SEPTIN7: variants seen among roughly 807,000 people sequenced by gnomAD.
SEPTIN7 encodes septin-7.
A neutral mutation model predicts 63.3 loss-of-function variants in SEPTIN7; 10 were observed. The ratio of observed to expected loss-of-function variants is 0.16; its 90% CI spans 0.10 to 0.27. SEPTIN7 has a LOEUF of 0.27. Among genes scored for constraint, SEPTIN7 ranks in the 10% least tolerant of loss-of-function variants. The pLI, the probability that SEPTIN7 is intolerant of heterozygous loss-of-function variation, is 1.00. For synonymous variants in SEPTIN7, 131 were observed against 165.3 expected (o/e 0.79, Z 1.59); for missense variants, 310 against 521.0 (o/e 0.59, Z 3.94).
At chr7:35,857,022 A>G (rs1256030796) in intron 3 of SEPTIN7, among the ~76,000 whole-genome samples, 1 of 152,182 alleles carries the variant, frequency 6.6e-6, no homozygotes, top group East Asian at 1.9e-4. Context: ...TCTGAAACAT[A>G]TAATCAGATT....
chr7:35,847,072 T>C (rs1159642627), intron 3 of SEPTIN7: 4 of 183,226 alleles, frequency 2.2e-5, no homozygotes, highest in Non-Finnish European at 4.8e-5. Flanking sequence ...GTCACTACAT[T>C]AGAGCAGTGT....
chr7:35,880,580 G>A (rs558414990), intron 7 of SEPTIN7, among the ~76,000 whole-genome samples: 8 of 151,772 alleles, frequency 5.3e-5, no homozygotes, highest in South Asian at 2.1e-4. Flanking sequence ...GGTATTACCC[G>A]TATTTATTGA....
chr7:35,883,851 C>A, intron 8 of SEPTIN7, 40 bp from the exon 9 acceptor site: 1 of 1,208,520 alleles, frequency 8.3e-7, no homozygotes, highest in Non-Finnish European at 1.2e-6. Context: ...TTTGTGAGGA[C>A]TACAGAGATG....
At chr7:35,808,930 T>C (rs1788527222) in intron 1 of SEPTIN7, among the ~76,000 whole-genome samples, 1 of 152,222 alleles carries the variant, frequency 6.6e-6, no homozygotes, top group Non-Finnish European at 1.5e-5. Context: ...CATTTGTTAG[T>C]GTATCTAACA....
intron 1 of SEPTIN7, among the ~76,000 whole-genome samples, chr7:35,823,762 A>G (rs1359760924): frequency 6.6e-6 from 1 of 152,336 alleles, no homozygotes; most frequent in Admixed American, 6.5e-5. Flanking sequence ...CAGGTGGACA[A>G]AATTGCTTGG....
intron 11 of SEPTIN7, among the ~76,000 whole-genome samples, chr7:35,892,059 C>A (rs1268718094): frequency 2.6e-5 from 4 of 152,130 alleles, no homozygotes; most frequent in African/African-American, 7.2e-5. Flanking sequence ...TATATGCCAT[C>A]CCTTGTTTAC....
chr7:35,890,568 TTTTTG>T, intron 10 of SEPTIN7, 95 bp from the exon 11 acceptor site: 1 of 1,062,098 alleles, frequency 9.4e-7, no homozygotes, highest in Non-Finnish European at 1.2e-6. Flanking sequence ...AAATCTGAAA[TTTTTG>T]TTTTGGTAAA....
At chr7:35,883,476 C>T (rs1166385345) in intron 8 of SEPTIN7, among the ~76,000 whole-genome samples, 2 of 152,098 alleles carry the variant, frequency 1.3e-5, no homozygotes, top group East Asian at 3.9e-4. Context: ...AACAAATATA[C>T]TATTACCTGG....
chr7:35,879,653 T>C (rs1025119288), intron 6 of SEPTIN7, 170 bp from the exon 7 acceptor site: 3 of 552,896 alleles, frequency 5.4e-6, no homozygotes, highest in Non-Finnish European at 1.0e-5. Context: ...GCCACTCCAA[T>C]GCTTCTTGAA....
chr7:35,909,046 C>T (rs1293246844), downstream of SEPTIN7, among the ~76,000 whole-genome samples: 1 of 152,072 alleles, frequency 6.6e-6, no homozygotes, highest in Non-Finnish European at 1.5e-5. Context: ...CTGGCATGGC[C>T]CCTGGTGTTA....
chr7:35,864,300 T>C (rs1042412671), intron 4 of SEPTIN7, among the ~76,000 whole-genome samples: 2 of 152,168 alleles, frequency 1.3e-5, no homozygotes, highest in Non-Finnish European at 2.9e-5. Flanking sequence ...CTGTTAAATT[T>C]AGTTCTTCTA....
rs566429611 is a variant in SEPTIN7 at position 35,835,904 on chromosome 7, A to G, written c.169+3004A>G. Among the ~76,000 whole-genome samples, 4 of 152,312 alleles carry G rather than the reference A, an allele frequency of 2.6e-5. No homozygotes were observed. In the East Asian group the frequency reaches 7.7e-4, roughly 29 times the overall value. ...GGTCACTTTTTATGTGTTCAAAGAA[A>G]CAGTTACCTATTTTAGTGGAGGAGG... On this transcript the variant is annotated intron_variant, in intron 3 of 13. Transcript: ENST00000350320.
intron 1 of SEPTIN7, among the ~76,000 whole-genome samples, chr7:35,817,289 A>G (rs1789132169): frequency 6.6e-6 from 1 of 152,044 alleles, no homozygotes; most frequent in Non-Finnish European, 1.5e-5. Flanking sequence ...TTCATCACTC[A>G]TTGTTGAAAA....
intron 6 of SEPTIN7, among the ~76,000 whole-genome samples, chr7:35,875,012 A>G (rs1262275269): frequency 6.6e-6 from 1 of 152,152 alleles, no homozygotes; most frequent in Non-Finnish European, 1.5e-5. Flanking sequence ...CTTAACCTGC[A>G]TTTAAGTCAA....
intron 3 of SEPTIN7, among the ~76,000 whole-genome samples, chr7:35,849,477 A>G (rs1784849828): frequency 6.6e-6 from 1 of 152,220 alleles, no homozygotes; most frequent in African/African-American, 2.4e-5. Flanking sequence ...GAGCTCTGGC[A>G]GTAGTGTTCA....
intron 3 of SEPTIN7, among the ~76,000 whole-genome samples, chr7:35,857,127 T>A (rs1450184039): frequency 2.0e-5 from 3 of 152,172 alleles, no homozygotes; most frequent in Non-Finnish European, 4.4e-5. Flanking sequence ...TGTCTTAGAA[T>A]TGAGGAAATT....
At chr7:35,869,097 G>A (rs1230824447) in intron 4 of SEPTIN7, among the ~76,000 whole-genome samples, 3 of 152,126 alleles carry the variant, frequency 2.0e-5, no homozygotes, top group Non-Finnish European at 4.4e-5. Flanking sequence ...AATCCAGAGT[G>A]GGATTTGAGT....
At chr7:35,811,909 C>G (rs1788737122) in intron 1 of SEPTIN7, among the ~76,000 whole-genome samples, 1 of 152,044 alleles carries the variant, frequency 6.6e-6, no homozygotes, top group Admixed American at 6.6e-5. Flanking sequence ...ATAATCCCAG[C>G]TACTCGGGAG....
intron 11 of SEPTIN7, among the ~76,000 whole-genome samples, chr7:35,894,800 A>C (rs1787865096): frequency 2.6e-5 from 4 of 152,228 alleles, no homozygotes; most frequent in African/African-American, 9.6e-5. Flanking sequence ...CACATAATTT[A>C]AATGAAACAT....
Sources: gnomAD v4.1 joint callset for allele counts (sites outside exome capture counted in the v4.1 genomes callset) on GRCh38, gnomAD v4.1.1 for gene constraint, MANE v1.5 for transcripts, NCBI Gene and HGNC (gene_info 2026-07-23, HGNC 2026-07-21) for gene names.